DGKB: variants seen among roughly 807,000 people sequenced by gnomAD.
DGKB encodes the protein diacylglycerol kinase beta, also known as 90 kDa diacylglycerol kinase.
DGKB carries 67 observed loss-of-function variants against 114.3 expected under a neutral mutation model. That is an observed-to-expected ratio of 0.59 (90% CI 0.48 to 0.72). DGKB has a LOEUF of 0.72. Among genes scored for constraint, DGKB ranks in the 30% least tolerant of loss-of-function variants. DGKB has a pLI of 0.00. For synonymous variants in DGKB, 398 were observed against 323.1 expected, an observed-to-expected ratio of 1.23 and a Z score of -2.49; for missense variants, 907 against 975.2, an observed-to-expected ratio of 0.93 and a Z score of 0.93.
chr7:14,458,476 T>G (rs1167077348), intron 21 of DGKB, among the ~76,000 whole-genome samples: 1 of 152,138 alleles, frequency 6.6e-6, no homozygotes, highest in African/African-American at 2.4e-5. Flanking sequence ...GTGGGTGATT[T>G]CTGCATTTCC....
intron 1 of DGKB, among the ~76,000 whole-genome samples, chr7:14,917,805 C>T (rs1784313143): frequency 1.3e-5 from 2 of 151,962 alleles, no homozygotes; most frequent in Non-Finnish European, 2.9e-5. Flanking sequence ...AAATCTGACC[C>T]TTACAAGAAT....
intron 20 of DGKB, among the ~76,000 whole-genome samples, chr7:14,502,670 T>C (rs905520077): frequency 2.0e-5 from 3 of 152,086 alleles, no homozygotes; most frequent in Non-Finnish European, 2.9e-5. Flanking sequence ...TGACATTAGA[T>C]TGGAAACTTA....
chr7:14,712,123 T>G (rs1827457090), intron 6 of DGKB, among the ~76,000 whole-genome samples: 1 of 151,860 alleles, frequency 6.6e-6, no homozygotes, highest in African/African-American at 2.4e-5. Flanking sequence ...GGATTCTCTG[T>G]GAAGTTAAAT....
intron 21 of DGKB, among the ~76,000 whole-genome samples, chr7:14,379,760 G>C (rs960850540): frequency 5.9e-5 from 9 of 152,064 alleles, no homozygotes; most frequent in Admixed American, 5.9e-4. Context: ...GGGTTTCACC[G>C]TGTTAGCGAG....
intron 20 of DGKB, among the ~76,000 whole-genome samples, chr7:14,572,438 C>T (rs775321373): frequency 2.0e-4 from 29 of 147,636 alleles, no homozygotes; most frequent in African/African-American, 7.0e-4. Flanking sequence ...GGTGACAGAG[C>T]GAGACACCAT....
At chr7:14,859,163 C>T (rs1314889217) in intron 1 of DGKB, among the ~76,000 whole-genome samples, 2 of 151,936 alleles carry the variant, frequency 1.3e-5, no homozygotes, top group Non-Finnish European at 2.9e-5. Flanking sequence ...GATCAGTAAT[C>T]AAGAAATGAT....
At chr7:14,691,788 C>T (rs980582475) in intron 9 of DGKB, among the ~76,000 whole-genome samples, 2 of 151,230 alleles carry the variant, frequency 1.3e-5, no homozygotes, top group East Asian at 3.9e-4. Flanking sequence ...AAGGTGGTCT[C>T]TTGAGATTAA....
rs182227055 is a variant in DGKB at position 14,393,112 on chromosome 7, C to T, written c.1836-47721G>A. Among the ~76,000 whole-genome samples the T allele has an allele frequency of 4.9e-3, 736 of 151,418 alleles. 7 individuals are homozygous for T. Among genetic ancestry groups the T allele is most frequent in the African/African-American group, 0.017 (698 of 41,268 alleles). Reference sequence around the variant, plus strand: ...TCACGCCATTCTCCTGCCTCAGCCTCCCGCGTAGCTGGGACTACAGGCGCC... The same window carrying T: ...TCACGCCATTCTCCTGCCTCAGCCTTCCGCGTAGCTGGGACTACAGGCGCC... On this transcript the variant is annotated intron_variant, in intron 21 of 25. Transcript: ENST00000402815.
chr7:14,630,040 T>C, intron 14 of DGKB, among the ~76,000 whole-genome samples, 196 bp downstream of exon 14: 1 of 152,028 alleles, frequency 6.6e-6, no homozygotes, highest in South Asian at 2.1e-4. Context: ...CAAATATAGA[T>C]GGAAAATTCT....
intron 13 of DGKB, among the ~76,000 whole-genome samples, chr7:14,652,029 G>C (rs1262215244): frequency 1.6e-5 from 2 of 127,010 alleles, no homozygotes; most frequent in Non-Finnish European, 3.3e-5. Flanking sequence ...AACATTCCAT[G>C]CTCATGGGTA....
In DGKB at chr7:14,154,504, T is replaced by C. The variant is rs1782689783; in HGVS notation, c.2305-5266A>G. ...TTCATATAGTGTCTCACTGGTTTCT[T>C]GTAAGGACTAAATGAATCAATGTGC... On this transcript the variant is annotated intron_variant, in intron 25 of 25. Transcript: ENST00000402815. 2.6e-5 allele frequency among the ~76,000 whole-genome samples: 4 copies of C among 152,106 alleles called. No homozygotes were observed. In the South Asian group the frequency reaches 8.3e-4, roughly 32 times the overall value.
At chr7:14,690,078 A>C (rs1822553939) in intron 9 of DGKB, among the ~76,000 whole-genome samples, 1 of 152,224 alleles carries the variant, frequency 6.6e-6, no homozygotes, top group South Asian at 2.1e-4. Context: ...ATTTCAAGCT[A>C]GTCTACTGCT....
At chr7:14,916,286 C>CTTTTT (rs34793701) in intron 1 of DGKB, among the ~76,000 whole-genome samples, 8 of 151,164 alleles carry the variant, frequency 5.3e-5, no homozygotes, top group Admixed American at 1.3e-4. Flanking sequence ...GAGGGAACGA[C>CTTTTT]TTTAAAAAAA....
chr7:14,704,345 G>C (rs865781068), intron 6 of DGKB, among the ~76,000 whole-genome samples: 1 of 150,804 alleles, frequency 6.6e-6, no homozygotes, highest in African/African-American at 2.4e-5. Context: ...CTACGCGGGA[G>C]GCTGAGGCAG....
At chr7:14,284,179 C>G (rs1420701101) in intron 23 of DGKB, among the ~76,000 whole-genome samples, 1 of 150,970 alleles carries the variant, frequency 6.6e-6, no homozygotes, top group Non-Finnish European at 1.5e-5. Context: ...AAAAAAACAA[C>G]CTCATCAAAA....
chr7:14,476,830 CT>C (rs1164637690), intron 21 of DGKB, among the ~76,000 whole-genome samples: 1 of 150,418 alleles, frequency 6.6e-6, no homozygotes, highest in Non-Finnish European at 1.5e-5. Flanking sequence ...TCTCAGCTCA[CT>C]GCAACCTCCG....
chr7:14,959,305 A>C (rs903438076), intron 1 of DGKB, among the ~76,000 whole-genome samples: 1 of 151,884 alleles, frequency 6.6e-6, no homozygotes, highest in Non-Finnish European at 1.5e-5. Context: ...TTTATGTGAA[A>C]GCTACTGATT....
intron 20 of DGKB, among the ~76,000 whole-genome samples, chr7:14,558,966 A>G (rs1796262697): frequency 6.6e-6 from 1 of 152,144 alleles, no homozygotes; most frequent in African/African-American, 2.4e-5. Flanking sequence ...GAATCAGGAG[A>G]GTTGAAGCAA....
chr7:14,844,419 T>G (rs771575133), intron 1 of DGKB, among the ~76,000 whole-genome samples: 27 of 152,178 alleles, frequency 1.8e-4, no homozygotes, highest in Non-Finnish European at 3.1e-4. Flanking sequence ...TATAGGTGAT[T>G]GGAGCACACA....
Sources: gnomAD v4.1 joint callset for allele counts (sites outside exome capture counted in the v4.1 genomes callset) on GRCh38, gnomAD v4.1.1 for gene constraint, MANE v1.5 for transcripts, NCBI Gene and HGNC (gene_info 2026-07-23, HGNC 2026-07-21) for gene names.